CNGB1: variants seen among roughly 807,000 people sequenced by gnomAD.
CNGB1 encodes the protein cyclic nucleotide gated channel subunit beta 1, also known as cyclic nucleotide-gated channel beta-1.
CNGB1 carries 126 observed loss-of-function variants against 151.7 expected under a neutral mutation model. The observed-to-expected ratio is 0.83, with a 90% CI of 0.72 to 0.96. The LOEUF is 0.96. Among genes scored for constraint, CNGB1 ranks in the 40% least tolerant of loss-of-function variants. CNGB1 has a pLI of 0.00. For missense variants in CNGB1, 1,698 were observed against 1,627.0 expected, an observed-to-expected ratio of 1.04 and a Z score of -0.75; for synonymous variants, 623 against 635.1, an observed-to-expected ratio of 0.98 and a Z score of 0.29.
chr16:57,935,707 G>A (rs557320721), intron 16 of CNGB1, among the ~76,000 whole-genome samples: 2 of 152,116 alleles, frequency 1.3e-5, no homozygotes, highest in Admixed American at 6.5e-5. Context: ...GGCCTGTGGC[G>A]GTGGGAGCTG....
At chr16:57,964,619 C>T (rs1962345557) in intron 2 of CNGB1, 75 bp from the exon 3 acceptor site, 1 of 1,447,784 alleles carries the variant, frequency 6.9e-7, no homozygotes, top group South Asian at 1.1e-5. Context: ...CCTGATTCTC[C>T]CTCAAGGGAT....
At chr16:57,962,415 A>G in intron 7 of CNGB1, 150 bp downstream of exon 7, 4 of 769,672 alleles carry the variant, frequency 5.2e-6, no homozygotes, top group Non-Finnish European at 9.3e-6. Context: ...CACTGTCCCC[A>G]TTCTATGGCT....
intron 25 of CNGB1, 42 bp from the exon 26 acceptor site, chr16:57,904,917 C>T (rs199762907): frequency 2.8e-4 from 445 of 1,613,460 alleles, no homozygotes; most frequent in Middle Eastern, 3.3e-4. Flanking sequence ...ATCACAGGCC[C>T]CACTCTGCCG....
rs1311019717 is a variant in CNGB1, at chr16:57,919,270, G to T, written c.1802-16C>A. 6.2e-7 allele frequency: 1 copy of T among 1,613,958 alleles called. No individual in the cohort carries two copies. Among genetic ancestry groups the T allele is most frequent in the Non-Finnish European group, 8.5e-7 (1 of 1,180,042 alleles). On this transcript the variant is annotated splice_polypyrimidine_tract_variant and intron_variant, in intron 19 of 32. Transcript: ENST00000251102. ...TTGGCTGGGGCTGTGGGATGACATTGGTGACCATCTGAACCAGCCCTGAGG... is the reference window on the plus strand; with the variant it reads ...TTGGCTGGGGCTGTGGGATGACATTTGTGACCATCTGAACCAGCCCTGAGG...
rs2149351774 is a variant in CNGB1 at position 57,887,940 on chromosome 16, C to T, written c.3377G>A (p.Gly1126Asp). 1.2e-6 allele frequency: 2 copies of T among 1,614,238 alleles called. No homozygotes were observed. The highest frequency in any genetic ancestry group is 2.2e-5 in the East Asian group (1 of 44,886). Residue 1126 changes from glycine (G) to aspartate (D), a missense_variant, in exon 32 of 33, where the codon GGC (glycine) becomes GAC (aspartate). By Grantham distance (94) the Gly-to-Asp change is moderately conservative. Transcript: ENST00000251102. ...TGKMGGKGAKGGKLAHLRARL... is the reference protein window; with the variant it reads ...TGKMGGKGAKDGKLAHLRARL... Reference sequence around the variant, plus strand: ...GGCCCGGAGGTGAGCAAGTTTGCCGCCTTTTGCCCCCTTGCCACCCATCTT... The same window carrying T: ...GGCCCGGAGGTGAGCAAGTTTGCCGTCTTTTGCCCCCTTGCCACCCATCTT...
intron 2 of CNGB1, among the ~76,000 whole-genome samples, chr16:57,964,884 G>C (rs373412075): frequency 3.4e-4 from 52 of 152,240 alleles, no homozygotes; most frequent in South Asian, 2.5e-3. Flanking sequence ...TGAAGCCTTG[G>C]GGCTGGCTGA....
intron 16 of CNGB1, among the ~76,000 whole-genome samples, chr16:57,939,184 C>A (rs774605368): frequency 5.3e-5 from 8 of 152,044 alleles, no homozygotes; most frequent in Non-Finnish European, 1.0e-4. Flanking sequence ...ATTTCCCCGG[C>A]GCCACTGGGA....
chr16:57,911,877 T>C lies in CNGB1; in HGVS notation c.2370-2A>G. The C allele has an allele frequency of 6.2e-7, 1 of 1,613,290 alleles. No individual in the cohort carries two copies. The highest frequency in any genetic ancestry group is 8.5e-7 in the Non-Finnish European group (1 of 1,179,514). On this transcript the variant is annotated splice_acceptor_variant, in intron 24 of 32. Coordinates refer to ENST00000251102, the MANE Select transcript of CNGB1 (RefSeq NM_001297.5). LOFTEE classifies it high-confidence loss of function. ...AGGTAGGCTGTGGTCCTGATGACCC[T>C]GCAGAAGGAACACAGCGCATGAACA...
chr16:57,940,188 T>C (rs1961627677), intron 15 of CNGB1, 46 bp downstream of exon 15: 2 of 1,521,980 alleles, frequency 1.3e-6, no homozygotes, highest in African/African-American at 1.4e-5. Flanking sequence ...CTTCCACCAA[T>C]GCCAAGCCAG....
At chr16:57,925,257 C>A (rs1387995241) in intron 17 of CNGB1, among the ~76,000 whole-genome samples, 1 of 152,142 alleles carries the variant, frequency 6.6e-6, no homozygotes, top group Non-Finnish European at 1.5e-5. Context: ...CCTGCCTCAG[C>A]CTTCCAAAGT....
At chr16:57,896,712 C>G (rs1960237158) in intron 31 of CNGB1, among the ~76,000 whole-genome samples, 1 of 111,410 alleles carries the variant, frequency 9.0e-6, no homozygotes, top group Non-Finnish European at 1.9e-5. Context: ...GACTCTGTCT[C>G]AAAATAAATA....
chr16:57,947,377 C>T (rs1411023318), intron 14 of CNGB1, among the ~76,000 whole-genome samples: 1 of 152,310 alleles, frequency 6.6e-6, no homozygotes, highest in East Asian at 1.9e-4. Flanking sequence ...CACAGAAGCA[C>T]AGCTCCATAG....
intron 17 of CNGB1, among the ~76,000 whole-genome samples, chr16:57,923,897 C>A (rs181689641): frequency 6.6e-5 from 10 of 152,262 alleles, no homozygotes; most frequent in Admixed American, 2.0e-4. Context: ...TACGGTGTGA[C>A]CTTAGGTAAG....
intron 12 of CNGB1, among the ~76,000 whole-genome samples, chr16:57,956,090 G>A (rs1046855354): frequency 5.3e-5 from 8 of 152,144 alleles, no homozygotes; most frequent in East Asian, 1.9e-4. Flanking sequence ...CACAGCTGGC[G>A]GGGAATCCTG....
At chr16:57,948,970 G>A (rs535761264) in intron 14 of CNGB1, among the ~76,000 whole-genome samples, 7 of 152,286 alleles carry the variant, frequency 4.6e-5, no homozygotes, top group African/African-American at 1.4e-4. Context: ...TTGGCTTTGT[G>A]AATAAAGGGA....
Position 57,888,009 on chromosome 16 carries a change from G to GC in CNGB1, c.3307dup (p.Ala1103GlyfsTer190), listed in dbSNP as rs1959981166. On this transcript the variant is annotated frameshift_variant, in exon 32 of 33. Transcript: ENST00000251102. LOFTEE classifies it high-confidence loss of function. ...AGCGTTGAAGAGCTTTGGGGTGCCC[G>GC]CCCGGGGTGGAAGGATCAGCACGCT... The GC allele has an allele frequency of 1.2e-6, 2 of 1,614,166 alleles. No individual in the cohort carries two copies. Among genetic ancestry groups the GC allele is most frequent in the Non-Finnish European group, 1.7e-6 (2 of 1,180,030 alleles).
rs370794133 is a variant in CNGB1 at position 57,950,614 on chromosome 16, C to G, written c.875-74G>C. ...GCTTGGGCCTCTGAGTCCCAGGGAG[C>G]CTGCAGGGAGCCCTGGCTGTCGCCA... On this transcript the variant is annotated intron_variant, in intron 12 of 32. Coordinates refer to ENST00000251102, the MANE Select transcript of CNGB1 (RefSeq NM_001297.5). The G allele has an allele frequency of 8.9e-5, 138 of 1,558,868 alleles. 2 individuals are homozygous for G. The South Asian group carries it at 9.4e-4, about 11-fold the overall frequency.
chr16:57,884,391 T>C lies in CNGB1; in HGVS notation c.3529A>G (p.Lys1177Glu). 1.9e-6 allele frequency: 3 copies of C among 1,611,442 alleles called. No homozygotes were observed. Among genetic ancestry groups the C allele is most frequent in the South Asian group, 1.1e-5 (1 of 90,980 alleles). Reference sequence around the variant, plus strand: ...GCGGGTGGGTCGGTGGCGGCCTCCTTTGGGTGCGTGTGCTGGTCTGGGGCG... The same window carrying C: ...GCGGGTGGGTCGGTGGCGGCCTCCTCTGGGTGCGTGTGCTGGTCTGGGGCG... ...SAAPDQHTHP[K>E]EAATDPPAPR... The change falls in exon 33 of 33, where the codon AAG becomes GAG. Residue 1177 changes from lysine (K) to glutamate (E), a missense_variant. Transcript: ENST00000251102.
chr16:57,957,284 G>T, intron 12 of CNGB1, 57 bp downstream of exon 12: 1 of 1,547,808 alleles, frequency 6.5e-7, no homozygotes, highest in Non-Finnish European at 8.9e-7. Context: ...TCAGACCCAA[G>T]GACACCAAGC....
Sources: allele counts gnomAD v4.1 joint callset (sites outside exome capture counted in the v4.1 genomes callset), GRCh38; gene constraint gnomAD v4.1.1; transcripts MANE v1.5; gene names NCBI Gene and HGNC (gene_info 2026-07-23, HGNC 2026-07-21).